The following SGCZ variants were observed in gnomAD, a reference collection of about 807,000 sequenced individuals.
SGCZ encodes sarcoglycan zeta, also known as zeta-sarcoglycan.
Under a neutral mutation model 41.3 loss-of-function variants are expected in SGCZ, and 40 were observed. That is an observed-to-expected ratio of 0.97 (90% CI 0.75 to 1.26). The LOEUF is 1.26. Ranked by LOEUF, SGCZ falls within the 50% of genes most tolerant of loss-of-function variation. The pLI is 0.00. For missense variants in SGCZ, 552 were observed against 369.8 expected, an observed-to-expected ratio of 1.49 and a Z score of -4.04; for synonymous variants, 206 against 137.5, an observed-to-expected ratio of 1.50 and a Z score of -3.49.
At chr8:14,905,330 T>A (rs1278978144) in intron 1 of SGCZ, among the ~76,000 whole-genome samples, 26 of 151,972 alleles carry the variant, frequency 1.7e-4, no homozygotes, top group Admixed American at 1.7e-3. Context: ...ATGGTAGGGA[T>A]ATTTCACCTC....
intron 1 of SGCZ, among the ~76,000 whole-genome samples, chr8:15,105,206 G>C (rs1227392231): frequency 1.3e-5 from 2 of 152,008 alleles, no homozygotes; most frequent in Non-Finnish European, 2.9e-5. Context: ...TCTTTTATTT[G>C]TTGTAAGTGT....
chr8:14,566,297 G>C (rs1444513761), intron 1 of SGCZ, among the ~76,000 whole-genome samples: 3 of 152,162 alleles, frequency 2.0e-5, no homozygotes, highest in African/African-American at 7.2e-5. Flanking sequence ...ACAAGGTAGA[G>C]GCAGACAGGA....
chr8:14,292,190 A>G (rs1037094815), intron 3 of SGCZ, among the ~76,000 whole-genome samples: 24 of 152,210 alleles, frequency 1.6e-4, no homozygotes, highest in African/African-American at 5.5e-4. Context: ...GACATAAATA[A>G]CAGACTATGG....
At chr8:14,255,624 C>T (rs1799436140) in intron 3 of SGCZ, among the ~76,000 whole-genome samples, 1 of 151,896 alleles carries the variant, frequency 6.6e-6, no homozygotes, top group South Asian at 2.1e-4. Flanking sequence ...ATAATAAAAA[C>T]ATAAATCATC....
At chr8:14,406,804 G>A (rs1032834064) in intron 2 of SGCZ, among the ~76,000 whole-genome samples, 3 of 152,146 alleles carry the variant, frequency 2.0e-5, no homozygotes, top group Non-Finnish European at 4.4e-5. Flanking sequence ...ATAATTAAAA[G>A]TGGGTATAAA....
intron 1 of SGCZ, among the ~76,000 whole-genome samples, chr8:15,035,671 A>G (rs185844747): frequency 2.1e-4 from 32 of 152,240 alleles, no homozygotes; most frequent in Non-Finnish European, 1.6e-4. Context: ...TATGGACACA[A>G]AAAGAAAACA....
chr8:14,569,777 G>A (rs113681397), intron 1 of SGCZ, among the ~76,000 whole-genome samples: 1 of 152,270 alleles, frequency 6.6e-6, no homozygotes, highest in South Asian at 2.1e-4. Flanking sequence ...CCAGGAGGTC[G>A]TGAAGGAGGG....
intron 1 of SGCZ, among the ~76,000 whole-genome samples, chr8:14,900,955 T>C (rs1454365974): frequency 6.6e-6 from 1 of 152,216 alleles, no homozygotes; most frequent in African/African-American, 2.4e-5. Flanking sequence ...AAGTATTTAT[T>C]TCTGTGGACT....
chr8:15,136,875 A>G (rs1270859477), intron 1 of SGCZ, among the ~76,000 whole-genome samples: 3 of 152,262 alleles, frequency 2.0e-5, no homozygotes, highest in East Asian at 3.9e-4. Context: ...GTGCTCATAT[A>G]AGGGTACTGG....
At chr8:15,158,649 T>A (rs1473472705) in intron 1 of SGCZ, among the ~76,000 whole-genome samples, 1 of 152,208 alleles carries the variant, frequency 6.6e-6, no homozygotes, top group Non-Finnish European at 1.5e-5. Context: ...AATGTATAAT[T>A]CATGTGGAAA....
At chr8:14,505,882 T>C (rs1476139202) in intron 2 of SGCZ, among the ~76,000 whole-genome samples, 1 of 152,194 alleles carries the variant, frequency 6.6e-6, no homozygotes, top group Non-Finnish European at 1.5e-5. Context: ...GCAATCTGTG[T>C]TTTAGCAAGC....
chr8:14,471,301 T>A (rs992940563), intron 2 of SGCZ, among the ~76,000 whole-genome samples: 4 of 152,122 alleles, frequency 2.6e-5, no homozygotes, highest in Non-Finnish European at 4.4e-5. Context: ...TAATTTGCAG[T>A]GCTGAAAAAT....
chr8:14,903,314 C>T (rs992446368), intron 1 of SGCZ, among the ~76,000 whole-genome samples: 1 of 152,120 alleles, frequency 6.6e-6, no homozygotes, highest in African/African-American at 2.4e-5. Flanking sequence ...AATACAGATG[C>T]AGCAGCAGAG....
At chr8:14,835,225 C>A (rs1802657190) in intron 1 of SGCZ, among the ~76,000 whole-genome samples, 1 of 152,142 alleles carries the variant, frequency 6.6e-6, no homozygotes, top group African/African-American at 2.4e-5. Context: ...GCTTGAGCAT[C>A]TAGACAAAGC....
intron 1 of SGCZ, among the ~76,000 whole-genome samples, chr8:15,073,752 T>A (rs1333609333): frequency 6.6e-6 from 1 of 152,204 alleles, no homozygotes; most frequent in Non-Finnish European, 1.5e-5. Context: ...AAATGTGGAC[T>A]AGCTGGCCCC....
At chr8:14,616,144 G>A (rs111310786) in intron 1 of SGCZ, among the ~76,000 whole-genome samples, 15 of 152,108 alleles carry the variant, frequency 9.9e-5, no homozygotes, top group East Asian at 3.9e-4. Context: ...TTAGCCGGGC[G>A]TGGGAGCGGG....
intron 1 of SGCZ, among the ~76,000 whole-genome samples, chr8:15,199,048 A>G (rs553651679): frequency 6.4e-4 from 97 of 152,198 alleles, no homozygotes; most frequent in Non-Finnish European, 6.9e-4. Flanking sequence ...CGTTTAAAAC[A>G]TATTTCATGA....
intron 4 of SGCZ, among the ~76,000 whole-genome samples, chr8:14,229,987 G>C (rs1806504372): frequency 6.6e-6 from 1 of 152,082 alleles, no homozygotes. Context: ...TGATGAAAGA[G>C]TAAAAGCATA....
chr8:14,252,092 C>T (rs776746192), intron 3 of SGCZ, among the ~76,000 whole-genome samples: 2 of 152,066 alleles, frequency 1.3e-5, no homozygotes, highest in Non-Finnish European at 2.9e-5. Context: ...TTTACAGTCT[C>T]CCCATATGGA....
Sources: gnomAD v4.1 joint callset for allele counts (sites outside exome capture counted in the v4.1 genomes callset) on GRCh38, gnomAD v4.1.1 for gene constraint, MANE v1.5 for transcripts, NCBI Gene and HGNC (gene_info 2026-07-23, HGNC 2026-07-21) for gene names.